Variants in TRMT5 observed in about 807,000 individuals in gnomAD.
TRMT5 encodes tRNA (guanine(37)-N(1))-methyltransferase.
TRMT5 carries 31 observed loss-of-function variants against 42.2 expected under a neutral mutation model. The ratio of observed to expected loss-of-function variants is 0.73; its 90% confidence interval spans 0.55 to 0.99. The LOEUF (loss-of-function observed/expected upper bound fraction) is 0.99, where lower values mean the gene tolerates loss of function less well. Among genes scored for constraint, TRMT5 ranks in the 50% least tolerant of loss-of-function variants. The pLI is 0.00. For missense variants in TRMT5, 568 were observed against 595.0 expected (o/e 0.95, Z 0.47); for synonymous variants, 198 against 209.6 (o/e 0.94, Z 0.48).
At chr14:60,978,689 TTG>T (rs1461581597) in intron 2 of TRMT5, among the ~76,000 whole-genome samples, 3 of 152,144 alleles carry the variant, frequency 2.0e-5, no homozygotes, top group Non-Finnish European at 4.4e-5. Context: ...GACTTGACAT[TTG>T]TACCCAGTCA....
At position 60,979,253 on chromosome 14, in the gene TRMT5, C is replaced by T; in HGVS notation, c.645G>A (p.Gln215=). Residue 215 remains glutamine (Q), a synonymous_variant, in exon 2 of 5, where the codon CAG becomes CAA. Coordinates refer to ENST00000261249, the MANE Select transcript of TRMT5 (RefSeq NM_020810.3). ...TACCAATTAAATGTTTGAAAGGCAG[C>T]TGATGATCTCGAAGGTTTAGGTGTG... is the stretch of plus-strand genomic sequence containing the variant. ...HIAHLNLRDH[Q]LPFKHLIGQV... The T allele has an allele frequency of 6.2e-7, 1 of 1,607,546 alleles. No individual in the cohort carries two copies. The highest frequency in any genetic ancestry group is 8.5e-7 in the Non-Finnish European group (1 of 1,176,712).
At position 60,977,379 on chromosome 14, in the gene TRMT5, A is replaced by G. The variant is rs182441780; in HGVS notation, c.792+135T>C. On this transcript the variant is annotated intron_variant, in intron 3 of 4. Coordinates refer to ENST00000261249, the MANE Select transcript of TRMT5 (RefSeq NM_020810.3). ...AAGGCTTTATCAGTGTTATTCCATC[A>G]ATAGCATACATAAGTGATCACATTC... The G allele has an allele frequency of 1.2e-4, 92 of 764,996 alleles. 1 individual carries two copies. The African/African-American group carries it at 1.4e-3, about 12-fold the overall frequency. The allele number at this position is 764,996 out of a possible 1,614,324, so 47.4% of individuals were successfully genotyped here.
chr14:60,981,315 G>T, upstream of TRMT5: 1 of 1,610,706 alleles, frequency 6.2e-7, no homozygotes. Flanking sequence ...GCTGAGCGGG[G>T]CTGGTATGTC....
Position 60,977,749 on chromosome 14 carries a change from G to A in TRMT5, c.668-111C>T, listed in dbSNP as rs78713544. On this transcript the variant is annotated intron_variant, in intron 2 of 4. Transcript: ENST00000261249. Reference sequence around the variant, plus strand: ...GTATTTCTTTTGGTTGATAAAGACTGCACCTACTGTGTGTAATGTGGCATG... The same window carrying A: ...GTATTTCTTTTGGTTGATAAAGACTACACCTACTGTGTGTAATGTGGCATG... The A allele has an allele frequency of 1.2e-3, 1,331 of 1,066,080 alleles. 19 individuals carry two copies. In the African/African-American group the frequency reaches 0.018, roughly 14 times the overall value. The allele number at this position is 1,066,080 out of a possible 1,614,324, so 66.0% of individuals were successfully genotyped here. A position where few individuals can be genotyped will look rare whatever the true frequency, so the allele number is the denominator to read the frequency against.
Position 60,979,544 on chromosome 14 carries a change from C to T in TRMT5, c.354G>A (p.Leu118=), listed in dbSNP as rs2036900270. The T allele has an allele frequency of 6.2e-7, 1 of 1,614,018 alleles. No individual in the cohort carries two copies. Among genetic ancestry groups the T allele is most frequent in the Admixed American group, 1.7e-5 (1 of 59,988 alleles). The change falls in exon 2 of 5, where the codon TTG becomes TTA. Residue 118 remains leucine (L), a synonymous_variant. Coordinates refer to ENST00000261249, the MANE Select transcript of TRMT5 (RefSeq NM_020810.3). ...TCACACGTCTTATGCCTGGGCGCTG[C>T]AATGCTGCCCTTTTTAGGGATCGCA... ...KLMRSLKRAA[L]QRPGIRRVIE... is the part of the protein sequence containing the mutation.
In TRMT5 at chr14:60,980,294, T is replaced by C. The variant is rs540154924; in HGVS notation, c.12-408A>G. Reference sequence around the variant, plus strand: ...ATTAGGATAGTCTCATGGGTGCTTATTGTGTCAGATACTGCGCTAAATGCT... The same window carrying C: ...ATTAGGATAGTCTCATGGGTGCTTACTGTGTCAGATACTGCGCTAAATGCT... On this transcript the variant is annotated intron_variant, in intron 1 of 4. Coordinates refer to ENST00000261249, the MANE Select transcript of TRMT5 (RefSeq NM_020810.3). Among the ~76,000 whole-genome samples the C allele has an allele frequency of 1.1e-4, 17 of 152,326 alleles. No individual in the cohort carries two copies. In the East Asian group the frequency reaches 3.3e-3, roughly 29 times the overall value.
At chr14:60,978,987 T>C (rs1309471406) in intron 2 of TRMT5, among the ~76,000 whole-genome samples, 3 of 151,710 alleles carry the variant, frequency 2.0e-5, no homozygotes, top group Non-Finnish European at 4.4e-5. Context: ...GATTCAAGTT[T>C]AATCTACACT....
chr14:60,975,071 A>G lies in TRMT5; in HGVS notation c.*38T>C. 1 of 1,499,450 alleles carries G rather than the reference A, an allele frequency of 6.7e-7. No individual in the cohort carries two copies. The highest frequency in any genetic ancestry group is 9.2e-7 in the Non-Finnish European group (1 of 1,092,182). The allele number at this position is 1,499,450 out of a possible 1,614,324, so 92.9% of individuals were successfully genotyped here. On this transcript the variant is annotated 3_prime_UTR_variant, in exon 5 of 5. Transcript: ENST00000261249. ...AATAATACAAATTCTATTTCACTACATGTAAGTCTGGTAGGGAGATGGAGA... is the reference window on the plus strand; with the variant it reads ...AATAATACAAATTCTATTTCACTACGTGTAAGTCTGGTAGGGAGATGGAGA...
Position 60,975,697 on chromosome 14 carries a change from A to C in TRMT5, c.1222T>G (p.Cys408Gly). ...AFKWLLDGQP[C>G]SSEFLPIVHC... ...ACTATGGGAAGGAACTCACTGCTGC[A>C]TGGCTGCCCATCTAAAAGCCACTTG... Residue 408 changes from cysteine to glycine, a missense_variant, in exon 4 of 5, where the codon TGC becomes GGC. Transcript: ENST00000261249. 1 of 1,614,218 alleles carries C rather than the reference A, an allele frequency of 6.2e-7. No homozygotes were observed. Among genetic ancestry groups the C allele is most frequent in the East Asian group, 2.2e-5 (1 of 44,886 alleles).
rs1318601831 is a variant in TRMT5 at position 60,973,840 on chromosome 14, A to G, written c.*1269T>C. 1 of 152,230 alleles carries G rather than the reference A, an allele frequency of 6.6e-6. No homozygotes were observed. Among genetic ancestry groups the G allele is most frequent in the Non-Finnish European group, 1.5e-5 (1 of 68,046 alleles). The allele number at this position is 152,230 out of a possible 1,614,324, so 9.4% of individuals were successfully genotyped here. A position where few individuals can be genotyped will look rare whatever the true frequency, so the allele number is the denominator to read the frequency against. On this transcript the variant is annotated 3_prime_UTR_variant, in exon 5 of 5. Coordinates refer to ENST00000261249, the MANE Select transcript of TRMT5 (RefSeq NM_020810.3). ...CAAACATAATTAATTCACACCATCAATAAATGGCTTTGCTTGGCTAACAAA... is the reference window on the plus strand; with the variant it reads ...CAAACATAATTAATTCACACCATCAGTAAATGGCTTTGCTTGGCTAACAAA...
At chr14:60,977,963 G>A (rs2036868468) in intron 2 of TRMT5, among the ~76,000 whole-genome samples, 1 of 152,154 alleles carries the variant, frequency 6.6e-6, no homozygotes, top group Non-Finnish European at 1.5e-5. Context: ...TAGATCACAA[G>A]GAATTGGGAA....
chr14:60,981,324 T>C (rs1191490563), upstream of TRMT5: 1 of 1,611,002 alleles, frequency 6.2e-7, no homozygotes, highest in African/African-American at 1.3e-5. Context: ...GGCTGGTATG[T>C]CTCTGTCCAG....
rs1242341750 is a variant in TRMT5, at chr14:60,979,333, C to A, written c.565G>T (p.Val189Leu). 6 of 1,614,110 alleles carry A rather than the reference C, an allele frequency of 3.7e-6. No homozygotes were observed. Among genetic ancestry groups the A allele is most frequent in the Non-Finnish European group, 5.1e-6 (6 of 1,179,996 alleles). ...HFKSEEILRAVLPEGQDVTSG... is the reference protein window; with the variant it reads ...HFKSEEILRALLPEGQDVTSG... ...GTTACATCTTGACCTTCAGGAAGCACAGCTCTCAAGATTTCTTCTGACTTA... is the reference window on the plus strand; with the variant it reads ...GTTACATCTTGACCTTCAGGAAGCAAAGCTCTCAAGATTTCTTCTGACTTA... Residue 189 changes from valine to leucine, a missense_variant, in exon 2 of 5, where the codon GTG (valine) becomes TTG (leucine). By Grantham distance (32) the Val-to-Leu change is conservative (BLOSUM62 1). Transcript: ENST00000261249.
chr14:60,978,196 C>T (rs1486032792), intron 2 of TRMT5, among the ~76,000 whole-genome samples: 2 of 151,930 alleles, frequency 1.3e-5, no homozygotes, highest in Non-Finnish European at 2.9e-5. Context: ...TACTTCAGAG[C>T]AAAAAAAGCT....
At chr14:60,981,205 C>A, upstream of TRMT5, 1 of 1,542,944 alleles carries the variant, frequency 6.5e-7, no homozygotes, top group South Asian at 1.2e-5. Flanking sequence ...CCGCCTCTGG[C>A]GCGACCGACG....
In TRMT5 at chr14:60,973,634, A is replaced by G. The variant is rs1243113195; in HGVS notation, c.*1475T>C. On this transcript the variant is annotated 3_prime_UTR_variant, in exon 5 of 5. Coordinates refer to ENST00000261249, the MANE Select transcript of TRMT5 (RefSeq NM_020810.3). ...GTCTCTACACTCCAGCCTGGGCAAC[A>G]GAGCAAGACCCTGTCTCTAAGTAAA... 1.3e-5 allele frequency: 2 copies of G among 152,244 alleles called. No homozygotes were observed. Among genetic ancestry groups the G allele is most frequent in the African/African-American group, 4.8e-5 (2 of 41,446 alleles). 9.4% of individuals were successfully genotyped at this position (152,244 alleles called of 1,614,324 possible). A position where few individuals can be genotyped will look rare whatever the true frequency, so the allele number is the denominator to read the frequency against.
At position 60,972,668 on chromosome 14, in the gene TRMT5, A is replaced by C. The variant is rs2036793003; in HGVS notation, c.*2441T>G. 2 of 288,096 alleles carry C rather than the reference A, an allele frequency of 6.9e-6. No homozygotes were observed. The highest frequency in any genetic ancestry group is 9.6e-5 in the Admixed American group (2 of 20,936). 17.8% of individuals were successfully genotyped at this position (288,096 alleles called of 1,614,324 possible). ...AACATTGCCTCTAATCAGGGTTCTA[A>C]GTAAGTGTTCCCTGTGATCAAAATC... On this transcript the variant is annotated 3_prime_UTR_variant, in exon 5 of 5. Coordinates refer to ENST00000261249, the MANE Select transcript of TRMT5 (RefSeq NM_020810.3).
In TRMT5 at chr14:60,973,661, A is replaced by G. The variant is rs1328962376; in HGVS notation, c.*1448T>C. ...AGCAAGACCCTGTCTCTAAGTAAAAATAAAAATAGAGTCAAAGAACCATCC... is the reference window on the plus strand; with the variant it reads ...AGCAAGACCCTGTCTCTAAGTAAAAGTAAAAATAGAGTCAAAGAACCATCC... On this transcript the variant is annotated 3_prime_UTR_variant, in exon 5 of 5. Coordinates refer to ENST00000261249, the MANE Select transcript of TRMT5 (RefSeq NM_020810.3). 1 of 152,242 alleles carries G rather than the reference A, an allele frequency of 6.6e-6. No homozygotes were observed. The highest frequency in any genetic ancestry group is 1.5e-5 in the Non-Finnish European group (1 of 68,050). The allele number at this position is 152,242 out of a possible 1,614,324, so 9.4% of individuals were successfully genotyped here. A position where few individuals can be genotyped will look rare whatever the true frequency, so the allele number is the denominator to read the frequency against.
rs1459713683 is a variant in TRMT5 at position 60,975,866 on chromosome 14, G to T, written c.1053C>A (p.Val351=). ...KLNKVDQKVK[V]FNLDGKDFLQ... Reference sequence around the variant, plus strand: ...GGAAGTCTTTCCCATCCAAGTTGAAGACTTTCACCTTTTGGTCCACTTTAT... The same window carrying T: ...GGAAGTCTTTCCCATCCAAGTTGAATACTTTCACCTTTTGGTCCACTTTAT... The change falls in exon 4 of 5, where the codon GTC becomes GTA. Residue 351 remains valine (V), a synonymous_variant. Coordinates refer to ENST00000261249, the MANE Select transcript of TRMT5 (RefSeq NM_020810.3). 6.2e-7 allele frequency: 1 copy of T among 1,614,182 alleles called. No homozygotes were observed. Among genetic ancestry groups the T allele is most frequent in the Non-Finnish European group, 8.5e-7 (1 of 1,180,042 alleles).
Sources: gnomAD v4.1 joint callset for allele counts (sites outside exome capture counted in the v4.1 genomes callset) on GRCh38, gnomAD v4.1.1 for gene constraint, MANE v1.5 for transcripts, NCBI Gene and HGNC (gene_info 2026-07-23, HGNC 2026-07-21) for gene names.